Variants in ARHGAP15 observed in about 807,000 individuals in gnomAD.
The protein encoded by ARHGAP15 is Rho GTPase activating protein 15, also known as rho GTPase-activating protein 15.
ARHGAP15 carries 51 observed loss-of-function variants against 63.7 expected under a neutral mutation model. The ratio of observed to expected loss-of-function variants is 0.80; its 90% CI spans 0.64 to 1.01. The LOEUF is 1.01. ARHGAP15 is among the 50% of genes least tolerant of loss of function. The pLI, the probability that ARHGAP15 is intolerant of heterozygous loss-of-function variation, is 0.00. For missense variants in ARHGAP15, 560 were observed against 564.6 expected, an observed-to-expected ratio of 0.99 and a Z score of 0.08; for synonymous variants, 191 against 193.8, an observed-to-expected ratio of 0.99 and a Z score of 0.12.
intron 5 of ARHGAP15, among the ~76,000 whole-genome samples, chr2:143,247,850 T>TA (rs1346788772): frequency 2.0e-5 from 3 of 152,068 alleles, no homozygotes; most frequent in Non-Finnish European, 2.9e-5. Flanking sequence ...CTTAACCATT[T>TA]AAAAAAAATA....
chr2:143,565,225 T>G (rs917350386), intron 11 of ARHGAP15, among the ~76,000 whole-genome samples: 1 of 152,206 alleles, frequency 6.6e-6, no homozygotes, highest in African/African-American at 2.4e-5. Flanking sequence ...GATGTTATCT[T>G]CTTTTTAACA....
At chr2:143,280,451 G>T (rs149670571) in intron 6 of ARHGAP15, among the ~76,000 whole-genome samples, 1 of 152,226 alleles carries the variant, frequency 6.6e-6, no homozygotes, top group Non-Finnish European at 1.5e-5. Context: ...GGTTAATAGT[G>T]CACTTAAGAC....
intron 12 of ARHGAP15, among the ~76,000 whole-genome samples, chr2:143,638,170 T>C (rs1200949565): frequency 6.8e-6 from 1 of 147,120 alleles, no homozygotes; most frequent in African/African-American, 2.5e-5. Context: ...CAAAGGACTA[T>C]AAATCATGCT....
At chr2:143,557,417 GA>G (rs1695853114) in intron 11 of ARHGAP15, among the ~76,000 whole-genome samples, 1 of 152,032 alleles carries the variant, frequency 6.6e-6, no homozygotes, top group African/African-American at 2.4e-5. Context: ...AATATACTGG[GA>G]AAAGGAAAAC....
intron 6 of ARHGAP15, among the ~76,000 whole-genome samples, chr2:143,319,152 G>GA (rs1453187527): frequency 6.6e-6 from 1 of 151,250 alleles, no homozygotes; most frequent in Non-Finnish European, 1.5e-5. Context: ...CTCTTAGATT[G>GA]ATAGCTCCAT....
At chr2:143,541,993 G>A (rs1695085510) in intron 10 of ARHGAP15, among the ~76,000 whole-genome samples, 1 of 152,212 alleles carries the variant, frequency 6.6e-6, no homozygotes, top group Admixed American at 6.5e-5. Flanking sequence ...TACAGAGGCA[G>A]GCAGGCCTCC....
chr2:143,572,557 C>T (rs549996353), intron 11 of ARHGAP15, among the ~76,000 whole-genome samples: 4 of 152,212 alleles, frequency 2.6e-5, no homozygotes, highest in East Asian at 1.9e-4. Context: ...AGGTAAGAGA[C>T]GTCATATAAT....
At chr2:143,208,254 G>A (rs78593159) in intron 3 of ARHGAP15, among the ~76,000 whole-genome samples, 1 of 152,070 alleles carries the variant, frequency 6.6e-6, no homozygotes, top group Non-Finnish European at 1.5e-5. Flanking sequence ...CAGGAAACAC[G>A]AGAGACATTG....
chr2:143,581,314 A>G (rs929941861), intron 11 of ARHGAP15, among the ~76,000 whole-genome samples: 7 of 152,164 alleles, frequency 4.6e-5, no homozygotes, highest in African/African-American at 1.7e-4. Context: ...TTGCTGTGCC[A>G]GCTGGTACAT....
chr2:143,658,627 G>T lies in ARHGAP15; in HGVS notation c.1138+34360G>T, dbSNP rs904772650. ...TGGGGATTCAAAGATGGAGATCACAGACTCAGGCCCATTTTTTTTTCTGCT... is the reference window on the plus strand; with the variant it reads ...TGGGGATTCAAAGATGGAGATCACATACTCAGGCCCATTTTTTTTTCTGCT... On this transcript the variant is annotated intron_variant, in intron 12 of 13. Transcript: ENST00000295095. Among the ~76,000 whole-genome samples the T allele has an allele frequency of 3.9e-5, 6 of 152,280 alleles. No homozygotes were observed. In the South Asian group the frequency reaches 1.2e-3, roughly 32 times the overall value.
chr2:143,587,482 G>A (rs981574097), intron 11 of ARHGAP15, among the ~76,000 whole-genome samples: 11 of 152,060 alleles, frequency 7.2e-5, no homozygotes, highest in Non-Finnish European at 1.5e-4. Flanking sequence ...TATGACCTGA[G>A]CTCTTGTGGA....
At chr2:143,736,266 G>A (rs1685741036) in intron 13 of ARHGAP15, among the ~76,000 whole-genome samples, 1 of 152,022 alleles carries the variant, frequency 6.6e-6, no homozygotes, top group South Asian at 2.1e-4. Flanking sequence ...GCATGGTGGT[G>A]CATGCTATAA....
chr2:143,344,248 G>A (rs1183160164), intron 6 of ARHGAP15: 1 of 152,034 alleles, frequency 6.6e-6, no homozygotes, highest in African/African-American at 2.4e-5. Context: ...AGGCAATTTG[G>A]TATTCTTTCT....
intron 6 of ARHGAP15, among the ~76,000 whole-genome samples, chr2:143,337,425 C>A (rs562634059): frequency 6.6e-6 from 1 of 152,232 alleles, no homozygotes; most frequent in Non-Finnish European, 1.5e-5. Flanking sequence ...TTTCTATAGG[C>A]TGTATATGAC....
intron 6 of ARHGAP15, among the ~76,000 whole-genome samples, chr2:143,429,685 T>A (rs540048570): frequency 6.6e-6 from 1 of 152,208 alleles, no homozygotes; most frequent in East Asian, 1.9e-4. Flanking sequence ...GTTGTGGAAA[T>A]GCTGAGATCC....
intron 12 of ARHGAP15, among the ~76,000 whole-genome samples, chr2:143,637,475 T>C (rs2105265410): frequency 1.3e-5 from 2 of 152,204 alleles, no homozygotes; most frequent in South Asian, 4.1e-4. Flanking sequence ...AAGTTTTGCA[T>C]ATTCAAAAGA....
At chr2:143,428,525 G>A (rs1689230031) in intron 6 of ARHGAP15, among the ~76,000 whole-genome samples, 1 of 151,772 alleles carries the variant, frequency 6.6e-6, no homozygotes, top group Admixed American at 6.6e-5. Flanking sequence ...GAGACAGTGA[G>A]GAAAGCAAAG....
intron 12 of ARHGAP15, among the ~76,000 whole-genome samples, chr2:143,626,114 C>T (rs564387433): frequency 3.3e-5 from 5 of 152,176 alleles, no homozygotes; most frequent in South Asian, 2.1e-4. Flanking sequence ...ATGGTAAGAA[C>T]GGAACATGGC....
intron 11 of ARHGAP15, among the ~76,000 whole-genome samples, chr2:143,593,889 C>T (rs540055483): frequency 6.6e-6 from 1 of 152,236 alleles, no homozygotes; most frequent in East Asian, 1.9e-4. Context: ...GTGCCATTCA[C>T]ATACACGTTA....
Sources: gnomAD v4.1 joint callset for allele counts (sites outside exome capture counted in the v4.1 genomes callset) on GRCh38, gnomAD v4.1.1 for gene constraint, MANE v1.5 for transcripts, NCBI Gene and HGNC (gene_info 2026-07-23, HGNC 2026-07-21) for gene names.